The following SKAP1 variants were observed in gnomAD, a reference collection of about 807,000 sequenced individuals.
SKAP1 encodes the protein src kinase associated phosphoprotein 1, also known as src kinase-associated phosphoprotein 1.
SKAP1 carries 44 observed loss-of-function variants against 58.5 expected under a neutral mutation model. The observed-to-expected ratio is 0.75, with a 90% confidence interval of 0.59 to 0.97. The LOEUF is 0.97. Among genes scored for constraint, SKAP1 ranks in the 50% least tolerant of loss-of-function variants. The pLI is 0.00. For synonymous variants in SKAP1, 127 were observed against 149.7 expected (o/e 0.85, Z 1.11); for missense variants, 390 against 435.2 (o/e 0.90, Z 0.92).
rs371732487 is a variant in SKAP1 at position 48,166,979 on chromosome 17, T to C, written c.877+3630A>G. On this transcript the variant is annotated intron_variant, in intron 10 of 12. Coordinates refer to ENST00000336915, the MANE Select transcript of SKAP1 (RefSeq NM_003726.4). ...TCCTGGGCTCAAGCTATCTTCCCCCTGCAGCCTCCTGAGTAGCTGGGACTA... is the reference window on the plus strand; with the variant it reads ...TCCTGGGCTCAAGCTATCTTCCCCCCGCAGCCTCCTGAGTAGCTGGGACTA... Among the ~76,000 whole-genome samples, 6 of 151,934 alleles carry C rather than the reference T, an allele frequency of 3.9e-5. No homozygotes were observed. In the East Asian group the frequency reaches 9.6e-4, roughly 24 times the overall value.
intron 4 of SKAP1, among the ~76,000 whole-genome samples, chr17:48,321,469 C>A (rs1031534190): frequency 7.9e-5 from 12 of 151,588 alleles, no homozygotes; most frequent in African/African-American, 2.9e-4. Flanking sequence ...GCTCCGTCTT[C>A]CGGGTTCACA....
chr17:48,256,947 A>G (rs2065429824), intron 4 of SKAP1, among the ~76,000 whole-genome samples: 10 of 152,072 alleles, frequency 6.6e-5, no homozygotes, highest in Admixed American at 5.2e-4. Flanking sequence ...AGAAGGATGC[A>G]AAATACCCCC....
intron 4 of SKAP1, chr17:48,344,340 T>C (rs2066694027): frequency 3.5e-6 from 1 of 283,414 alleles, no homozygotes; most frequent in Non-Finnish European, 5.3e-6. Context: ...ACCAAAACAC[T>C]GTATTGGTTA....
intron 4 of SKAP1, among the ~76,000 whole-genome samples, chr17:48,293,766 A>C (rs1474639933): frequency 6.6e-6 from 1 of 152,212 alleles, no homozygotes; most frequent in Non-Finnish European, 1.5e-5. Context: ...TCAGACTGAA[A>C]TCTACTTCAG....
chr17:48,156,359 C>T, intron 11 of SKAP1: 1 of 263,350 alleles, frequency 3.8e-6, no homozygotes, highest in South Asian at 4.2e-5. Context: ...CTGCGGTGGT[C>T]GCCGGCATCG....
rs972856202 is a variant in SKAP1 at position 48,271,532 on chromosome 17, AT to A, written c.280+74372del. 4.6e-5 allele frequency among the ~76,000 whole-genome samples: 7 copies of A among 151,162 alleles called. No homozygotes were observed. In the East Asian group the frequency reaches 1.2e-3, roughly 25 times the overall value. ...CAGCGTGTGTCACCACACCTGACTA[AT>A]TTTTTTTAGTATCATTTGTAGAGAT... On this transcript the variant is annotated intron_variant, in intron 4 of 12. Coordinates refer to ENST00000336915, the MANE Select transcript of SKAP1 (RefSeq NM_003726.4).
intron 4 of SKAP1, among the ~76,000 whole-genome samples, chr17:48,228,207 GAGAT>G (rs999228270): frequency 1.3e-5 from 2 of 151,438 alleles, no homozygotes; most frequent in Non-Finnish European, 1.5e-5. Flanking sequence ...GAGAGATAGA[GAGAT>G]AGAGAGATTG....
chr17:48,412,252 T>G (rs2067673831), intron 1 of SKAP1, among the ~76,000 whole-genome samples: 1 of 152,228 alleles, frequency 6.6e-6, no homozygotes, highest in Admixed American at 6.5e-5. Context: ...GAGTCCTTCC[T>G]TTGTGCCAGT....
the SKAP1 span, among the ~76,000 whole-genome samples, chr17:48,439,300 C>T: frequency 6.6e-6 from 1 of 152,208 alleles, no homozygotes; most frequent in Non-Finnish European, 1.5e-5. Context: ...AAGCCTGTTG[C>T]ATCACATCAC....
At chr17:48,367,748 T>C (rs1037545835) in intron 2 of SKAP1, among the ~76,000 whole-genome samples, 1 of 151,384 alleles carries the variant, frequency 6.6e-6, no homozygotes, top group Non-Finnish European at 1.5e-5. Flanking sequence ...CGAAACTTCA[T>C]CTCTACAAAA....
intron 4 of SKAP1, among the ~76,000 whole-genome samples, chr17:48,324,177 T>C (rs1265532757): frequency 1.3e-5 from 2 of 152,132 alleles, no homozygotes; most frequent in Non-Finnish European, 1.5e-5. Context: ...AACCCACTGG[T>C]AACATTTTGG....
At chr17:48,331,859 T>C (rs977581771) in intron 4 of SKAP1, among the ~76,000 whole-genome samples, 2 of 152,168 alleles carry the variant, frequency 1.3e-5, no homozygotes, top group African/African-American at 4.8e-5. Flanking sequence ...AATATGTTCA[T>C]TGAACATCTG....
intron 1 of SKAP1, among the ~76,000 whole-genome samples, chr17:48,420,604 A>G (rs12941352): frequency 0.029 from 4,462 of 152,300 alleles, 241 homozygotes; most frequent in African/African-American, 0.1. Context: ...GTATTTAGGA[A>G]TAGGAATGCC....
rs760594946 is a variant in SKAP1, at chr17:48,260,024, G to A, written c.281-70524C>T. On this transcript the variant is annotated intron_variant, in intron 4 of 12. Transcript: ENST00000336915. The stretch of plus-strand genomic sequence containing the variant: ...ATGTAACCTTCCAGATCACCATTAA[G>A]AGCTAATAAATTATTTGTCTTTAGG... 3.0e-4 allele frequency among the ~76,000 whole-genome samples: 46 copies of A among 152,204 alleles called. No homozygotes were observed. The South Asian group carries it at 3.1e-3, about 10-fold the overall frequency.
At chr17:48,227,872 C>T (rs1006382538) in intron 4 of SKAP1, among the ~76,000 whole-genome samples, 6 of 151,966 alleles carry the variant, frequency 3.9e-5, no homozygotes, top group South Asian at 2.1e-4. Context: ...AAGGTTGTTA[C>T]GAGGATAAAA....
intron 4 of SKAP1, among the ~76,000 whole-genome samples, chr17:48,328,197 T>A (rs1176811410): frequency 2.0e-5 from 3 of 152,214 alleles, no homozygotes; most frequent in Non-Finnish European, 4.4e-5. Flanking sequence ...ATGAGACTGC[T>A]GTGAGGGTTA....
upstream of SKAP1, among the ~76,000 whole-genome samples, chr17:48,433,957 C>T (rs1265216844): frequency 6.6e-6 from 1 of 152,204 alleles, no homozygotes; most frequent in Non-Finnish European, 1.5e-5. Flanking sequence ...GCAGTGGGAA[C>T]ACAACTGCAA....
At chr17:48,143,398 A>T (rs374832769) in intron 11 of SKAP1, among the ~76,000 whole-genome samples, 1 of 150,610 alleles carries the variant, frequency 6.6e-6, no homozygotes, top group East Asian at 2.0e-4. Flanking sequence ...TTTTGTAGAG[A>T]TAAGAGTTTT....
intron 11 of SKAP1, among the ~76,000 whole-genome samples, chr17:48,141,430 G>A (rs2063766967): frequency 6.6e-6 from 1 of 151,898 alleles, no homozygotes; most frequent in South Asian, 2.1e-4. Flanking sequence ...CCAGTCTGGA[G>A]TGCACTGACA....
Sources: gnomAD v4.1 joint callset for allele counts (sites outside exome capture counted in the v4.1 genomes callset) on GRCh38, gnomAD v4.1.1 for gene constraint, MANE v1.5 for transcripts, NCBI Gene and HGNC (gene_info 2026-07-23, HGNC 2026-07-21) for gene names.